The following FBN2 variants were observed in gnomAD, a reference collection of about 807,000 sequenced individuals.
The protein encoded by FBN2 is fibrillin-2.
FBN2 carries 105 observed loss-of-function variants against 355.6 expected under a neutral mutation model. The ratio of observed to expected loss-of-function variants is 0.30; its 90% confidence interval spans 0.25 to 0.35. The LOEUF (loss-of-function observed/expected upper bound fraction) is 0.35. FBN2 is among the 10% of genes least tolerant of loss of function. FBN2 has a pLI of 1.00. For synonymous variants in FBN2, 1,350 were observed against 1,301.2 expected, an observed-to-expected ratio of 1.04 and a Z score of -0.81; for missense variants, 3,280 against 3,758.7, an observed-to-expected ratio of 0.87 and a Z score of 3.33.
chr5:128,364,818 G>C, intron 17 of FBN2, 93 bp from the exon 18 acceptor site: 3 of 1,091,282 alleles, frequency 2.7e-6, no homozygotes, highest in Non-Finnish European at 4.2e-6. Flanking sequence ...AACATATGAA[G>C]TGTTTAACTC....
chr5:128,317,308 A>T (rs186529279), intron 36 of FBN2, among the ~76,000 whole-genome samples: 15 of 152,354 alleles, frequency 9.8e-5, no homozygotes, highest in African/African-American at 3.6e-4. Flanking sequence ...TTGCAACTCC[A>T]GCCCTTAGAC....
chr5:128,345,570 G>C lies in FBN2; in HGVS notation c.3004C>G (p.Gln1002Glu), dbSNP rs755421444. Residue 1002 changes from glutamine to glutamate, a missense_variant, in exon 24 of 65, where the codon CAG (glutamine) becomes GAG (glutamate). Physicochemically the swap from Gln to Glu is conservative, Grantham distance 29. This residue lies in a region of FBN2 where 2,284 missense variants were observed against 2,749.5 expected (regional missense o/e 0.83). Transcript: ENST00000262464. ...TCTTCATCCCACTTCAAGTAACACT[G>C]CTCCATGCGAATATCTACACCGAGA... ...GRVCLDIRME[Q>E]CYLKWDEDEC... 1 of 1,613,580 alleles carries C rather than the reference G, an allele frequency of 6.2e-7. No individual in the cohort carries two copies. Among genetic ancestry groups the C allele is most frequent in the Non-Finnish European group, 8.5e-7 (1 of 1,179,576 alleles).
chr5:128,287,197 A>G, intron 54 of FBN2, 111 bp downstream of exon 54: 1 of 1,254,432 alleles, frequency 8.0e-7, no homozygotes, highest in Non-Finnish European at 1.2e-6. Flanking sequence ...GCTGTCATAT[A>G]TATATTTCTG....
chr5:128,446,445 A>T, intron 7 of FBN2, 36 bp downstream of exon 7: 1 of 1,610,506 alleles, frequency 6.2e-7, no homozygotes, highest in Non-Finnish European at 8.5e-7. Flanking sequence ...CATTAAAGTC[A>T]CAATTAGGCA....
intron 7 of FBN2, among the ~76,000 whole-genome samples, chr5:128,424,415 G>A (rs1450123906): frequency 2.0e-5 from 3 of 152,088 alleles, no homozygotes; most frequent in African/African-American, 4.8e-5. Flanking sequence ...GAAAAGCGAG[G>A]GCAGTTACCC....
intron 4 of FBN2, among the ~76,000 whole-genome samples, chr5:128,520,296 G>A (rs186607436): frequency 6.6e-6 from 1 of 152,282 alleles, no homozygotes; most frequent in East Asian, 1.9e-4. Context: ...GTATTCCCAT[G>A]ATCCATAATG....
chr5:128,293,330 A>G (rs943371850), intron 48 of FBN2, among the ~76,000 whole-genome samples: 7 of 152,158 alleles, frequency 4.6e-5, no homozygotes, highest in African/African-American at 1.4e-4. Flanking sequence ...CGTCTCTACT[A>G]TAAGTACAAA....
chr5:128,300,499 CA>C (rs1749682869), intron 48 of FBN2, among the ~76,000 whole-genome samples: 2 of 152,156 alleles, frequency 1.3e-5, no homozygotes, highest in Non-Finnish European at 2.9e-5. Flanking sequence ...AACTGGGTGC[CA>C]AAGATTACAA....
chr5:128,322,050 T>C (rs928088535), intron 34 of FBN2, among the ~76,000 whole-genome samples: 5 of 152,248 alleles, frequency 3.3e-5, no homozygotes, highest in African/African-American at 1.2e-4. Flanking sequence ...CCAGTGAGGA[T>C]GTGCTTTTTT....
At chr5:128,485,289 C>A (rs1384958994) in intron 5 of FBN2, among the ~76,000 whole-genome samples, 1 of 152,128 alleles carries the variant, frequency 6.6e-6, no homozygotes, top group Non-Finnish European at 1.5e-5. Context: ...TACTAAAGTG[C>A]TGAGATTACA....
In FBN2 at chr5:128,273,899, C is replaced by A. The variant is rs1450443828; in HGVS notation, c.7781G>T (p.Ser2594Ile). 1 of 1,613,942 alleles carries A rather than the reference C, an allele frequency of 6.2e-7. No homozygotes were observed. The highest frequency in any genetic ancestry group is 2.2e-5 in the East Asian group (1 of 44,848). Residue 2594 changes from serine to isoleucine, a missense_variant, in exon 61 of 65, where the codon AGT (serine) becomes ATT (isoleucine). Ser to Ile is a moderately radical substitution (Grantham distance 142). Transcript: ENST00000262464. ...AKGICQNTPGSFSCECQRGFS... is the reference protein window; with the variant it reads ...AKGICQNTPGIFSCECQRGFS... ...CCCTCTTTGGCATTCACAGCTGAAA[C>A]TGCCTGGAGTGTTTTGACAGATTCC...
intron 5 of FBN2, among the ~76,000 whole-genome samples, chr5:128,483,722 G>A (rs1755257371): frequency 6.6e-6 from 1 of 152,034 alleles, no homozygotes; most frequent in East Asian, 1.9e-4. Context: ...TTGTCTGGTT[G>A]GCAATCAGGG....
chr5:128,317,431 T>C (rs549900349), intron 36 of FBN2, among the ~76,000 whole-genome samples: 2 of 152,284 alleles, frequency 1.3e-5, no homozygotes, highest in African/African-American at 2.4e-5. Flanking sequence ...AGTATATAAG[T>C]TGTGTATAAA....
chr5:128,419,295 A>G (rs1438783225), intron 7 of FBN2, among the ~76,000 whole-genome samples: 3 of 152,154 alleles, frequency 2.0e-5, no homozygotes, highest in African/African-American at 7.2e-5. Flanking sequence ...AGTCCGGGTA[A>G]CTTTTATTTA....
At chr5:128,523,945 C>A (rs931626842) in intron 4 of FBN2, among the ~76,000 whole-genome samples, 1 of 151,972 alleles carries the variant, frequency 6.6e-6, no homozygotes, top group Non-Finnish European at 1.5e-5. Flanking sequence ...ATAATCCAGG[C>A]TCAACACAGC....
At position 128,537,498 on chromosome 5, in the gene FBN2, T is replaced by G. The variant is rs767531338; in HGVS notation, c.106A>C (p.Lys36Gln). The G allele has an allele frequency of 6.3e-6, 10 of 1,584,312 alleles. No individual in the cohort carries two copies. In the African/African-American group the frequency reaches 6.7e-5, roughly 11 times the overall value. Residue 36 changes from lysine (K) to glutamine (Q), a missense_variant, in exon 1 of 65, where the codon AAG becomes CAG. This residue lies in a region of FBN2 where 203 missense variants were observed against 142.2 expected (regional missense o/e 1.43). Coordinates refer to ENST00000262464, the MANE Select transcript of FBN2 (RefSeq NM_001999.4). Reference protein sequence around the residue: ...TAGQPQPPPPKPPRPQPPPQQ... With the variant: ...TAGQPQPPPPQPPRPQPPPQQ... ...GGCGGCGGCTGGGGCCGGGGCGGCT[T>G]GGGCGGAGGAGGCTGAGGCTGGCCG...
chr5:128,304,115 A>G (rs1749798361), intron 45 of FBN2, among the ~76,000 whole-genome samples: 1 of 152,226 alleles, frequency 6.6e-6, no homozygotes, highest in Non-Finnish European at 1.5e-5. Context: ...TAATATTCAC[A>G]TAGATAATAT....
At chr5:128,405,023 T>G (rs970238720) in intron 8 of FBN2, among the ~76,000 whole-genome samples, 1 of 151,852 alleles carries the variant, frequency 6.6e-6, no homozygotes, top group African/African-American at 2.4e-5. Flanking sequence ...AATACAAACA[T>G]TAGCCAGCGT....
intron 6 of FBN2, among the ~76,000 whole-genome samples, chr5:128,463,053 C>T (rs984679998): frequency 2.6e-5 from 4 of 151,418 alleles, no homozygotes; most frequent in Non-Finnish European, 5.9e-5. Context: ...TAAAGGGTAC[C>T]GAATAAACAA....
Sources: gnomAD v4.1 joint callset for allele counts (sites outside exome capture counted in the v4.1 genomes callset) on GRCh38, gnomAD v4.1.1 for gene constraint, gnomAD v4.1.1 regional missense constraint, MANE v1.5 for transcripts, NCBI Gene and HGNC (gene_info 2026-07-23, HGNC 2026-07-21) for gene names.